The following G3BP2 variants were observed in gnomAD, a reference collection of about 807,000 sequenced individuals.
The protein encoded by G3BP2 is ras GTPase-activating protein-binding protein 2.
Under a neutral mutation model 56.7 loss-of-function variants are expected in G3BP2, and 11 were observed. The observed-to-expected ratio is 0.19, with a 90% CI of 0.12 to 0.32. The LOEUF is 0.32. Ranked by LOEUF, G3BP2 falls within the 10% of genes least tolerant of loss-of-function variation. G3BP2 has a pLI of 1.00. For synonymous variants in G3BP2, 165 were observed against 191.6 expected (o/e 0.86, Z 1.15); for missense variants, 340 against 610.9 (o/e 0.56, Z 4.67).
chr4:75,684,133 C>T (rs1339231154), intron 3 of G3BP2, among the ~76,000 whole-genome samples: 6 of 152,214 alleles, frequency 3.9e-5, no homozygotes, highest in South Asian at 2.1e-4. Context: ...AGGCCGGGTG[C>T]GGTGGCTCAT....
upstream of G3BP2, among the ~76,000 whole-genome samples, chr4:75,677,859 C>T (rs1486580542): frequency 6.6e-6 from 1 of 152,122 alleles, no homozygotes; most frequent in Non-Finnish European, 1.5e-5. Flanking sequence ...ATCTCCAATG[C>T]AAAAGTATTA....
chr4:75,717,253 C>T (rs948993040), intron 3 of G3BP2, among the ~76,000 whole-genome samples: 2 of 151,970 alleles, frequency 1.3e-5, no homozygotes, highest in Admixed American at 1.3e-4. Context: ...CTGGGCAAGA[C>T]GGTGAAACCC....
intron 3 of G3BP2, among the ~76,000 whole-genome samples, chr4:75,718,048 A>C (rs1016279503): frequency 2.0e-5 from 3 of 152,110 alleles, no homozygotes; most frequent in African/African-American, 7.2e-5. Flanking sequence ...CTGAGGCAGA[A>C]TAGCTTGAAC....
chr4:75,675,388 A>C (rs1733834650), upstream of G3BP2, among the ~76,000 whole-genome samples: 2 of 152,184 alleles, frequency 1.3e-5, no homozygotes, highest in Non-Finnish European at 2.9e-5. Context: ...TAAAACAGAT[A>C]GTTGGGCCCC....
upstream of G3BP2, among the ~76,000 whole-genome samples, chr4:75,678,319 TGTGTGTG>T (rs1359799036): frequency 3.3e-5 from 5 of 151,812 alleles, no homozygotes; most frequent in African/African-American, 1.2e-4. Context: ...TGTGTGTGTG[TGTGTGTG>T]TGTGTGTGTG....
chr4:75,675,385 G>C (rs1304876975), upstream of G3BP2, among the ~76,000 whole-genome samples: 1 of 152,216 alleles, frequency 6.6e-6, no homozygotes, highest in Non-Finnish European at 1.5e-5. Flanking sequence ...TGTTAAAACA[G>C]ATAGTTGGGC....
rs1442545447 is a variant in G3BP2, at chr4:75,657,749, G to GA, written c.178-20dup. On this transcript the variant is annotated intron_variant, in intron 3 of 11. Coordinates refer to ENST00000359707, the MANE Select transcript of G3BP2 (RefSeq NM_203505.3). Reference sequence around the variant, plus strand: ...GTATATCCTTTATTAGGGAGGGAGGGAAAAATATAAACTCTGTGATACTGC... The same window carrying GA: ...GTATATCCTTTATTAGGGAGGGAGGGAAAAAATATAAACTCTGTGATACTGC... 6.5e-7 allele frequency: 1 copy of GA among 1,527,148 alleles called. No individual in the cohort carries two copies. The highest frequency in any genetic ancestry group is 1.4e-5 in the African/African-American group (1 of 73,062). 94.6% of individuals were successfully genotyped at this position (1,527,148 alleles called of 1,614,324 possible).
intron 3 of G3BP2, among the ~76,000 whole-genome samples, chr4:75,686,143 G>A (rs1409180852): frequency 6.6e-6 from 1 of 152,066 alleles, no homozygotes; most frequent in Non-Finnish European, 1.5e-5. Flanking sequence ...TTTGTTCAAT[G>A]GACAAATTAA....
At chr4:75,656,760 C>A (rs192928994) in intron 5 of G3BP2, among the ~76,000 whole-genome samples, 164 bp downstream of exon 5, 1 of 152,252 alleles carries the variant, frequency 6.6e-6, no homozygotes, top group Admixed American at 6.5e-5. Context: ...AAACAATGGA[C>A]ATCTTTTTGT....
At chr4:75,661,476 T>TTG (rs1732553486) in intron 2 of G3BP2, 1 of 104,768 alleles carries the variant, frequency 9.5e-6, no homozygotes, top group Non-Finnish European at 2.0e-5. Context: ...CCCCCAAAGT[T>TTG]TGTTTTTTTT....
rs766692452 is a variant in G3BP2, at chr4:75,661,972, T to C, written c.54A>G (p.Gln18=). The change falls in exon 2 of 12, where the codon CAA becomes CAG. Residue 18 remains glutamine, a synonymous_variant. Transcript: ENST00000359707. ...PLLVGREFVR[Q]YYTLLNKAPE... is the part of the protein sequence containing the mutation. ...GAGCTTTATTCAGCAAAGTATAATA[T>C]TGCCTCACAAACTCCCGCCCTACAA... The C allele has an allele frequency of 1.9e-5, 30 of 1,606,724 alleles. No individual in the cohort carries two copies. Among genetic ancestry groups the C allele is most frequent in the East Asian group, 1.3e-4 (6 of 44,846 alleles).
intron 3 of G3BP2, among the ~76,000 whole-genome samples, chr4:75,715,611 A>G (rs1200500567): frequency 3.3e-5 from 5 of 152,226 alleles, no homozygotes; most frequent in Non-Finnish European, 7.3e-5. Flanking sequence ...TGCACCAGGA[A>G]GGCCTAGCCT....
intron 3 of G3BP2, among the ~76,000 whole-genome samples, chr4:75,697,648 T>C (rs757103293): frequency 7.2e-5 from 11 of 151,920 alleles, no homozygotes; most frequent in Non-Finnish European, 1.6e-4. Context: ...AAAGAAGAAA[T>C]ACAGGCCAGG....
At chr4:75,698,584 C>T (rs1224941154) in intron 3 of G3BP2, among the ~76,000 whole-genome samples, 1 of 152,184 alleles carries the variant, frequency 6.6e-6, no homozygotes, top group Non-Finnish European at 1.5e-5. Flanking sequence ...CTCTCCTAGA[C>T]AGCTATTTTA....
intron 3 of G3BP2, chr4:75,694,909 G>A (rs1719040118): frequency 6.1e-6 from 6 of 985,504 alleles, no homozygotes; most frequent in South Asian, 4.7e-5. Flanking sequence ...TGGACAGGAA[G>A]CGATAAGGAC....
chr4:75,685,556 T>G (rs1718566703), intron 3 of G3BP2, among the ~76,000 whole-genome samples: 1 of 152,014 alleles, frequency 6.6e-6, no homozygotes, highest in African/African-American at 2.4e-5. Flanking sequence ...GGTATTTGGT[T>G]CTTAATCCCA....
intron 7 of G3BP2, among the ~76,000 whole-genome samples, chr4:75,654,709 T>C (rs755479132): frequency 6.6e-6 from 1 of 152,136 alleles, no homozygotes; most frequent in Non-Finnish European, 1.5e-5. Context: ...ATAGACCAAC[T>C]TGTTTAAGTT....
At position 75,643,553 on chromosome 4, in the gene G3BP2, T is replaced by C. The variant is rs2148933120; in HGVS notation, c.*1877A>G. 1.3e-5 allele frequency: 2 copies of C among 151,516 alleles called. No homozygotes were observed. The highest frequency in any genetic ancestry group is 4.2e-4 in the South Asian group (2 of 4,798). The allele number at this position is 151,516 out of a possible 1,614,324, so 9.4% of individuals were successfully genotyped here. A position where few individuals can be genotyped will look rare whatever the true frequency, so the allele number is the denominator to read the frequency against. Reference sequence around the variant, plus strand: ...TGTGTCCCCAAAATATATGCAATAGTGCAAGACTTTCCCTCAAACATGGAA... The same window carrying C: ...TGTGTCCCCAAAATATATGCAATAGCGCAAGACTTTCCCTCAAACATGGAA... On this transcript the variant is annotated 3_prime_UTR_variant, in exon 12 of 12. Transcript: ENST00000359707.
chr4:75,694,792 C>T, intron 3 of G3BP2: 1 of 985,874 alleles, frequency 1.0e-6, no homozygotes, highest in Non-Finnish European at 1.2e-6. Context: ...TGTCTTTATA[C>T]CTTACCAAGT....
Sources: allele counts gnomAD v4.1 joint callset (sites outside exome capture counted in the v4.1 genomes callset), GRCh38; gene constraint gnomAD v4.1.1; transcripts MANE v1.5; gene names NCBI Gene and HGNC (gene_info 2026-07-23, HGNC 2026-07-21).